The following ARHGEF10 variants were observed in gnomAD, a reference collection of about 807,000 sequenced individuals.
ARHGEF10 encodes the protein Rho guanine nucleotide exchange factor 10.
Under a neutral mutation model 147.4 loss-of-function variants are expected in ARHGEF10, and 140 were observed. The observed-to-expected ratio is 0.95, with a 90% CI of 0.83 to 1.09. The LOEUF (loss-of-function observed/expected upper bound fraction) is 1.09, where lower values mean the gene tolerates loss of function less well. ARHGEF10 is among the 50% of genes least tolerant of loss of function. ARHGEF10 has a pLI of 0.00. For missense variants in ARHGEF10, 2,222 were observed against 1,752.7 expected (o/e 1.27, Z -4.78); for synonymous variants, 902 against 695.8 (o/e 1.30, Z -4.67).
At chr8:1,850,232 CGTGG>C (rs1804998240) in intron 2 of ARHGEF10, among the ~76,000 whole-genome samples, 1 of 125,530 alleles carries the variant, frequency 8.0e-6, no homozygotes, top group Non-Finnish European at 1.8e-5. Context: ...CTAAGGAGGG[CGTGG>C]GGCAGTCGCG....
chr8:1,863,003 T>G (rs1331464568), intron 4 of ARHGEF10, among the ~76,000 whole-genome samples: 2 of 152,060 alleles, frequency 1.3e-5, no homozygotes, highest in African/African-American at 4.8e-5. Flanking sequence ...CAGGATGGAC[T>G]TGATCTCCTG....
At position 1,876,836 on chromosome 8, in the gene ARHGEF10, T is replaced by C. The variant is rs1242046249; in HGVS notation, c.843+102T>C. The C allele has an allele frequency of 4.5e-6, 6 of 1,331,802 alleles. No individual in the cohort carries two copies. The African/African-American group carries it at 5.8e-5, about 13-fold the overall frequency. The allele number at this position is 1,331,802 out of a possible 1,614,324, so 82.5% of individuals were successfully genotyped here. ...CCACCTAGTACTTCATAGTGATTTGTTAAGATGCTGATAAGTAGTTTGGGG... is the reference window on the plus strand; with the variant it reads ...CCACCTAGTACTTCATAGTGATTTGCTAAGATGCTGATAAGTAGTTTGGGG... On this transcript the variant is annotated intron_variant, in intron 8 of 28. Transcript: ENST00000349830.
intron 4 of ARHGEF10, among the ~76,000 whole-genome samples, chr8:1,863,252 C>T (rs988678267): frequency 6.6e-6 from 1 of 152,178 alleles, no homozygotes; most frequent in African/African-American, 2.4e-5. Flanking sequence ...GCAGCGCTAC[C>T]CGCAGATCCA....
intron 2 of ARHGEF10, among the ~76,000 whole-genome samples, chr8:1,857,567 C>T (rs917678413): frequency 3.9e-5 from 6 of 151,916 alleles, no homozygotes; most frequent in Admixed American, 3.3e-4. Context: ...TTACAGGTGC[C>T]CGCCAACACG....
chr8:1,928,707 G>T (rs1180699738), intron 24 of ARHGEF10, 57 bp downstream of exon 24: 7 of 1,580,110 alleles, frequency 4.4e-6, no homozygotes, highest in Non-Finnish European at 6.1e-6. Flanking sequence ...TGGAGGGCGT[G>T]GTGGGGAGCC....
rs367890448 is a variant in ARHGEF10, at chr8:1,928,513, G to A, written c.2784G>A (p.Val928=). 5.0e-6 allele frequency: 8 copies of A among 1,614,086 alleles called. No individual in the cohort carries two copies. Among genetic ancestry groups the A allele is most frequent in the Non-Finnish European group, 6.8e-6 (8 of 1,180,056 alleles). Residue 928 remains valine (V), a synonymous_variant, in exon 24 of 29, where the codon GTG becomes GTA. Transcript: ENST00000349830. ...STPKVIECFN[V]ESRILCMLYV... Reference sequence around the variant, plus strand: ...CCAAAGTCATTGAGTGCTTCAACGTGGAATCTCGCATCCTGTGCATGCTGT... The same window carrying A: ...CCAAAGTCATTGAGTGCTTCAACGTAGAATCTCGCATCCTGTGCATGCTGT...
intron 18 of ARHGEF10, among the ~76,000 whole-genome samples, chr8:1,913,809 G>A (rs1811555938): frequency 6.6e-6 from 1 of 152,216 alleles, no homozygotes; most frequent in Admixed American, 6.5e-5. Flanking sequence ...CAGTTGAGCT[G>A]GATATGGCGG....
intron 1 of ARHGEF10, chr8:1,826,085 A>C (rs1390421231): frequency 6.3e-7 from 1 of 1,592,184 alleles, no homozygotes; most frequent in Non-Finnish European, 8.5e-7. Flanking sequence ...ATCGGCAGTT[A>C]CGGATGCATA....
At chr8:1,855,492 C>A (rs879923929) in intron 2 of ARHGEF10, among the ~76,000 whole-genome samples, 4 of 152,068 alleles carry the variant, frequency 2.6e-5, no homozygotes, top group Admixed American at 2.6e-4. Flanking sequence ...GGTGATCCTC[C>A]CACCTCAGCC....
chr8:1,955,289 C>G (rs1815433291), intron 28 of ARHGEF10, among the ~76,000 whole-genome samples: 1 of 150,016 alleles, frequency 6.7e-6, no homozygotes, highest in African/African-American at 2.5e-5. Context: ...GGCACACTCT[C>G]ACAGTTTCTC....
At position 1,888,150 on chromosome 8, in the gene ARHGEF10, GGGGCGAGGGT is replaced by G. The variant is rs1563233586; in HGVS notation, c.1182+2444_1182+2453del. Among the ~76,000 whole-genome samples the G allele has an allele frequency of 8.4e-5, 9 of 107,484 alleles. 2 individuals are homozygous for G. Among genetic ancestry groups the G allele is most frequent in the South Asian group, 3.5e-4 (1 of 2,896 alleles). 70.5% of individuals were successfully genotyped at this position (107,484 alleles called of 152,430 possible). On this transcript the variant is annotated intron_variant, in intron 11 of 28. Coordinates refer to ENST00000349830, the MANE Select transcript of ARHGEF10 (RefSeq NM_014629.4). ...GAGGGTTTGCGAGGAGACACTTAGT[GGGGCGAGGGT>G]TGCGAGGAGACAGTGAGTGGGGTGA...
rs2294032 is a variant in ARHGEF10 at position 1,885,824 on chromosome 8, C to T, written c.1182+117C>T. On this transcript the variant is annotated intron_variant, in intron 11 of 28. Coordinates refer to ENST00000349830, the MANE Select transcript of ARHGEF10 (RefSeq NM_014629.4). ...TGCTGTCTCAAACTCTGCATCCACT[C>T]GGGCCCTCCACTGTAGGTTCCTGGC... is the stretch of plus-strand genomic sequence containing the variant. 195,765 of 825,342 alleles carry T rather than the reference C, an allele frequency of 0.24. 26,605 individuals are homozygous for T. The highest frequency in any genetic ancestry group is 0.4 in the Admixed American group (20,358 of 50,558). The allele number at this position is 825,342 out of a possible 1,614,324, so 51.1% of individuals were successfully genotyped here. A position where few individuals can be genotyped will look rare whatever the true frequency, so the allele number is the denominator to read the frequency against.
chr8:1,888,037 G>C (rs1485475712), intron 11 of ARHGEF10, among the ~76,000 whole-genome samples: 1 of 148,148 alleles, frequency 6.8e-6, no homozygotes, highest in African/African-American at 2.5e-5. Flanking sequence ...TGAGTAGGGT[G>C]AGGGTTGTTA....
chr8:1,954,995 A>ATG (rs145812374), intron 28 of ARHGEF10, among the ~76,000 whole-genome samples: 2 of 126,370 alleles, frequency 1.6e-5, no homozygotes, highest in African/African-American at 7.0e-5. Context: ...GTTCCTCTGG[A>ATG]GGATAGCCAG....
chr8:1,878,785 ACTGT>A lies in ARHGEF10; in HGVS notation c.844-1259_844-1256del, dbSNP rs1226270625. Among the ~76,000 whole-genome samples the A allele has an allele frequency of 3.3e-5, 5 of 152,270 alleles. No homozygotes were observed. In the South Asian group the frequency reaches 8.3e-4, roughly 25 times the overall value. Reference sequence around the variant, plus strand: ...GGCCCGTATCCCAGAGGAGCCCTTGACTGTCTGGGCAGTGCCAGTGGTTCAGCAG... The same window carrying A: ...GGCCCGTATCCCAGAGGAGCCCTTGACTGGGCAGTGCCAGTGGTTCAGCAG... On this transcript the variant is annotated intron_variant, in intron 8 of 28. Coordinates refer to ENST00000349830, the MANE Select transcript of ARHGEF10 (RefSeq NM_014629.4).
intron 7 of ARHGEF10, chr8:1,869,462 T>C: frequency 2.9e-6 from 2 of 683,292 alleles, no homozygotes; most frequent in Non-Finnish European, 5.3e-6. Flanking sequence ...GGCAGTTTAA[T>C]CTTACTTATC....
rs185741835 is a variant in ARHGEF10 at position 1,916,768 on chromosome 8, C to T, written c.2144-6196C>T. ...TATATGATGCTGTTTAAAAATTACCCTCTTTCTCCTGGGAATTAATTCTTG... is the reference window on the plus strand; with the variant it reads ...TATATGATGCTGTTTAAAAATTACCTTCTTTCTCCTGGGAATTAATTCTTG... On this transcript the variant is annotated intron_variant, in intron 18 of 28. Coordinates refer to ENST00000349830, the MANE Select transcript of ARHGEF10 (RefSeq NM_014629.4). 1.2e-3 allele frequency among the ~76,000 whole-genome samples: 177 copies of T among 152,280 alleles called. 1 individual carries two copies. The highest frequency in any genetic ancestry group is 1.6e-3 in the Non-Finnish European group (106 of 68,028).
In ARHGEF10 at chr8:1,860,097, G is replaced by A. The variant is rs751469603; in HGVS notation, c.394G>A (p.Gly132Ser). 1.3e-5 allele frequency: 21 copies of A among 1,614,054 alleles called. No individual in the cohort carries two copies. Among genetic ancestry groups the A allele is most frequent in the East Asian group, 2.2e-5 (1 of 44,874 alleles). The stretch of plus-strand genomic sequence containing the variant: ...CGGGTACTTGGTGCCTGTACCCTGC[G>A]GCTATGCGGTGCCCTCCAACCTGCC... ...PCGYLVPVPC[G>S]YAVPSNLPLL... Residue 132 changes from glycine (G) to serine (S), a missense_variant, in exon 4 of 29, where the codon GGC becomes AGC. Gly to Ser is a moderately conservative substitution (Grantham distance 56, BLOSUM62 0). Transcript: ENST00000349830.
At chr8:1,846,671 G>C (rs1804587163) in intron 2 of ARHGEF10, among the ~76,000 whole-genome samples, 1 of 151,942 alleles carries the variant, frequency 6.6e-6, no homozygotes, top group South Asian at 2.1e-4. Context: ...TCCACTTCCC[G>C]GGTTCAAGGA....
Sources: gnomAD v4.1 joint callset for allele counts (sites outside exome capture counted in the v4.1 genomes callset) on GRCh38, gnomAD v4.1.1 for gene constraint, MANE v1.5 for transcripts, NCBI Gene and HGNC (gene_info 2026-07-23, HGNC 2026-07-21) for gene names.